The following CDK17 variants were observed in gnomAD, a reference collection of about 807,000 sequenced individuals.
CDK17 encodes cyclin dependent kinase 17, also known as cyclin-dependent kinase 17.
A neutral mutation model predicts 77.6 loss-of-function variants in CDK17; 24 were observed. The ratio of observed to expected loss-of-function variants is 0.31; its 90% CI spans 0.22 to 0.44. The LOEUF (loss-of-function observed/expected upper bound fraction) is 0.44, where lower values mean the gene tolerates loss of function less well. Ranked by LOEUF, CDK17 falls within the 20% of genes least tolerant of loss-of-function variation. The pLI, the probability that CDK17 is intolerant of heterozygous loss-of-function variation, is 1.00. For missense variants in CDK17, 429 were observed against 622.5 expected (o/e 0.69, Z 3.31); for synonymous variants, 203 against 210.4 (o/e 0.96, Z 0.30).
intron 1 of CDK17, among the ~76,000 whole-genome samples, chr12:96,360,368 G>A (rs548538941): frequency 4.6e-5 from 7 of 152,268 alleles, no homozygotes; most frequent in African/African-American, 1.7e-4. Flanking sequence ...GAGCTGGTAA[G>A]ATATGCCAGT....
At chr12:96,355,802 G>A (rs1449487491) in intron 1 of CDK17, among the ~76,000 whole-genome samples, 2 of 152,260 alleles carry the variant, frequency 1.3e-5, no homozygotes, top group East Asian at 3.9e-4. Context: ...TCAGCATTTA[G>A]AACAAATCCT....
At chr12:96,338,661 G>A (rs935248757) in intron 1 of CDK17, among the ~76,000 whole-genome samples, 2 of 152,106 alleles carry the variant, frequency 1.3e-5, no homozygotes, top group Non-Finnish European at 1.5e-5. Context: ...AAAGTGCTGG[G>A]ATTACAGGCA....
intron 4 of CDK17, 101 bp downstream of exon 4, chr12:96,313,220 G>A: frequency 1.1e-6 from 1 of 888,376 alleles, no homozygotes; most frequent in East Asian, 3.0e-5. Flanking sequence ...GTGTCTTCAT[G>A]AAAATTTTTA....
rs1296938333 is a variant in CDK17 at position 96,283,623 on chromosome 12, A to G, written c.1345T>C (p.Leu449=). The G allele has an allele frequency of 3.1e-6, 5 of 1,601,398 alleles. No homozygotes were observed. Among genetic ancestry groups the G allele is most frequent in the Non-Finnish European group, 4.3e-6 (5 of 1,169,606 alleles). ...APRLDSEGIE[L]ITKFLQYESK... ...CTTACCTGAAGAAATTTTGTTATCA[A>G]CTCAATTCCTTCAGAGTCTAACCTA... The change falls in exon 14 of 17, where the codon TTG becomes CTG. Residue 449 remains leucine (L), a synonymous_variant. Transcript: ENST00000261211.
At position 96,286,051 on chromosome 12, in the gene CDK17, G is replaced by A. The variant is rs372756223; in HGVS notation, c.1314C>T (p.His438=). 1.0e-4 allele frequency: 155 copies of A among 1,544,544 alleles called. No homozygotes were observed. Among genetic ancestry groups the A allele is most frequent in the Non-Finnish European group, 1.3e-4 (148 of 1,127,468 alleles). ...ATAAGAAAAAAAAATACCTGGGTGCGTGGTTAATTAGAGGCTGTGGTTTAT... is the reference window on the plus strand; with the variant it reads ...ATAAGAAAAAAAAATACCTGGGTGCATGGTTAATTAGAGGCTGTGGTTTAT... ...PKYKPQPLIN[H]APRLDSEGIE... is the part of the protein sequence containing the mutation. The change falls in exon 13 of 17, where the codon CAC becomes CAT. Residue 438 remains histidine, a synonymous_variant. Coordinates refer to ENST00000261211, the MANE Select transcript of CDK17 (RefSeq NM_002595.5).
chr12:96,280,213 G>A lies in CDK17; in HGVS notation c.*29C>T, dbSNP rs1237905076. The stretch of plus-strand genomic sequence containing the variant: ...GTCCTTGATTGGTAAGAAAGGCTGG[G>A]GGCTGGGCTTGAAACCATGTTATCA... On this transcript the variant is annotated 3_prime_UTR_variant, in exon 17 of 17. Coordinates refer to ENST00000261211, the MANE Select transcript of CDK17 (RefSeq NM_002595.5). 16 of 1,548,312 alleles carry A rather than the reference G, an allele frequency of 1.0e-5. No individual in the cohort carries two copies. The Admixed American group carries it at 3.2e-4, about 31-fold the overall frequency.
chr12:96,320,676 T>C (rs1245137145), intron 3 of CDK17, among the ~76,000 whole-genome samples: 37 of 151,056 alleles, frequency 2.4e-4, no homozygotes, highest in Non-Finnish European at 3.5e-4. Flanking sequence ...TATCTGATCT[T>C]TGACAAACCT....
At chr12:96,318,393 G>C (rs1490574079) in intron 3 of CDK17, among the ~76,000 whole-genome samples, 3 of 128,516 alleles carry the variant, frequency 2.3e-5, no homozygotes, top group Non-Finnish European at 3.3e-5. Context: ...AGATCAACGA[G>C]ACAGAAAGTC....
At chr12:96,332,016 TAGTGATGCC>T (rs770213058) in intron 2 of CDK17, among the ~76,000 whole-genome samples, 13 of 152,208 alleles carry the variant, frequency 8.5e-5, no homozygotes, top group Non-Finnish European at 1.6e-4. Flanking sequence ...TCCTATAGCC[TAGTGATGCC>T]AGTGATGCCA....
At chr12:96,366,204 A>G (rs1286898844) in intron 1 of CDK17, among the ~76,000 whole-genome samples, 3 of 152,220 alleles carry the variant, frequency 2.0e-5, no homozygotes. Context: ...AGTTATTTAA[A>G]ATTATTAACA....
intron 13 of CDK17, among the ~76,000 whole-genome samples, chr12:96,284,943 C>T (rs1952228155): frequency 1.3e-5 from 2 of 152,106 alleles, no homozygotes; most frequent in South Asian, 2.1e-4. Flanking sequence ...GGTAGAAGTA[C>T]AATTATGAAT....
At chr12:96,368,339 T>G (rs1200223930) in intron 1 of CDK17, among the ~76,000 whole-genome samples, 4 of 152,200 alleles carry the variant, frequency 2.6e-5, no homozygotes, top group Admixed American at 2.6e-4. Flanking sequence ...TTGTTCCCTC[T>G]TTCAAAGGTA....
intron 1 of CDK17, among the ~76,000 whole-genome samples, chr12:96,380,185 C>T (rs12829762): frequency 7.5e-6 from 1 of 133,546 alleles, no homozygotes; most frequent in Non-Finnish European, 1.6e-5. Flanking sequence ...AAAAAAAAAA[C>T]AAAAAAAAAA....
In CDK17 at chr12:96,280,007, C is replaced by A. The variant is rs1952154720; in HGVS notation, c.*235G>T. 7.1e-6 allele frequency: 3 copies of A among 424,188 alleles called. No individual in the cohort carries two copies. Among genetic ancestry groups the A allele is most frequent in the Non-Finnish European group, 1.2e-5 (3 of 240,464 alleles). The allele number at this position is 424,188 out of a possible 1,614,324, so 26.3% of individuals were successfully genotyped here. On this transcript the variant is annotated 3_prime_UTR_variant, in exon 17 of 17. Coordinates refer to ENST00000261211, the MANE Select transcript of CDK17 (RefSeq NM_002595.5). The stretch of plus-strand genomic sequence containing the variant: ...GCTATAGTTACATCAATAGCTGTAA[C>A]CTACTGGCTCTAATGGCAGAGAAGA...
intron 1 of CDK17, among the ~76,000 whole-genome samples, chr12:96,393,647 T>C (rs1954112700): frequency 6.6e-6 from 1 of 151,976 alleles, no homozygotes; most frequent in African/African-American, 2.4e-5. Flanking sequence ...GGTGGGAGGA[T>C]CACTGGAGCC....
At chr12:96,312,778 T>C (rs1002948422) in intron 4 of CDK17, among the ~76,000 whole-genome samples, 4 of 152,156 alleles carry the variant, frequency 2.6e-5, no homozygotes, top group African/African-American at 9.7e-5. Context: ...GAAAATGAAT[T>C]CTTCATCCTT....
chr12:96,379,095 T>A (rs1953834250), intron 1 of CDK17, among the ~76,000 whole-genome samples: 1 of 152,186 alleles, frequency 6.6e-6, no homozygotes, highest in Non-Finnish European at 1.5e-5. Flanking sequence ...ATACATACTA[T>A]GAGACAGAGT....
intron 11 of CDK17, among the ~76,000 whole-genome samples, chr12:96,287,155 G>A (rs567759954): frequency 6.6e-6 from 1 of 152,146 alleles, no homozygotes; most frequent in Non-Finnish European, 1.5e-5. Context: ...AACAACTGAA[G>A]AGATATTATG....
chr12:96,363,084 T>C (rs1470469133), intron 1 of CDK17, among the ~76,000 whole-genome samples: 6 of 152,166 alleles, frequency 3.9e-5, no homozygotes, highest in East Asian at 1.9e-4. Context: ...ATACACTCTA[T>C]ATATCTAATC....
Sources: gnomAD v4.1 joint callset for allele counts (sites outside exome capture counted in the v4.1 genomes callset) on GRCh38, gnomAD v4.1.1 for gene constraint, MANE v1.5 for transcripts, NCBI Gene and HGNC (gene_info 2026-07-23, HGNC 2026-07-21) for gene names.